The following RFX7 variants were observed in gnomAD, a reference collection of about 807,000 sequenced individuals.
RFX7 encodes the protein DNA-binding protein RFX7.
Under a neutral mutation model 111.8 loss-of-function variants are expected in RFX7, and 26 were observed. That is an observed-to-expected ratio of 0.23 (90% CI 0.17 to 0.32). RFX7 has a LOEUF of 0.32. Among genes scored for constraint, RFX7 ranks in the 10% least tolerant of loss-of-function variants. The probability of loss-of-function intolerance (pLI) is 1.00; values close to 1 mark genes in which losing one functional copy is unlikely to be tolerated. For missense variants in RFX7, 1,573 were observed against 1,772.9 expected (o/e 0.89, Z 2.02); for synonymous variants, 624 against 624.4 (o/e 1.00, Z 0.01).
chr15:56,098,107 C>G lies in RFX7; in HGVS notation c.1081G>C (p.Val361Leu). 5 of 1,613,914 alleles carry G rather than the reference C, an allele frequency of 3.1e-6. No individual in the cohort carries two copies. Among genetic ancestry groups the G allele is most frequent in the Non-Finnish European group, 4.2e-6 (5 of 1,179,832 alleles). ...ILSPQPIGIVVAAVPSPIPVQ... is the reference protein window; with the variant it reads ...ILSPQPIGIVLAAVPSPIPVQ... ...GGAATGGGACTAGGGACAGCTGCCACAACGATACCAATAGGTTGAGGAGAA... is the reference window on the plus strand; with the variant it reads ...GGAATGGGACTAGGGACAGCTGCCAGAACGATACCAATAGGTTGAGGAGAA... The change falls in exon 9 of 10, where the codon GTG becomes CTG. Residue 361 changes from valine to leucine, a missense_variant. By Grantham distance (32) the Val-to-Leu change is conservative. Transcript: ENST00000559447.
intron 3 of RFX7, among the ~76,000 whole-genome samples, chr15:56,149,801 CTT>C (rs1349462383): frequency 6.8e-6 from 1 of 146,282 alleles, no homozygotes. Flanking sequence ...GATGCAGGAG[CTT>C]TTTTTTTTTT....
chr15:56,152,209 G>C lies in RFX7; in HGVS notation c.196-7726C>G, dbSNP rs531210071. ...GGCTCTGGACCAAGTGGACCTAATA[G>C]ACATCTACAGAACTCTCCACCCCAA... On this transcript the variant is annotated intron_variant, in intron 3 of 9. Transcript: ENST00000559447. Among the ~76,000 whole-genome samples the C allele has an allele frequency of 1.6e-4, 25 of 152,264 alleles. 1 individual carries two copies. The South Asian group carries it at 4.6e-3, about 28-fold the overall frequency.
Position 56,093,596 on chromosome 15 carries a change from A to T in RFX7, c.4132T>A (p.Ser1378Thr). The T allele has an allele frequency of 1.2e-6, 2 of 1,613,794 alleles. No individual in the cohort carries two copies. Among genetic ancestry groups the T allele is most frequent in the Non-Finnish European group, 1.7e-6 (2 of 1,179,766 alleles). The change falls in exon 10 of 10, where the codon TCT becomes ACT. Residue 1378 changes from serine (S) to threonine (T), a missense_variant. Transcript: ENST00000559447. Reference sequence around the variant, plus strand: ...AACCTGATATCGCTAGAGAAATCAGATGCAGTATTAGTGAGATCAGATGCT... The same window carrying T: ...AACCTGATATCGCTAGAGAAATCAGTTGCAGTATTAGTGAGATCAGATGCT... Reference protein sequence around the residue: ...QGASDLTNTASDFSSDIRLSS... With the variant: ...QGASDLTNTATDFSSDIRLSS...
chr15:56,109,666 G>A lies in RFX7; in HGVS notation c.402-5996C>T, dbSNP rs551513313. Among the ~76,000 whole-genome samples the A allele has an allele frequency of 7.7e-3, 1,154 of 150,816 alleles. 9 individuals carry two copies. Among genetic ancestry groups the A allele is most frequent in the Non-Finnish European group, 0.01 (682 of 67,784 alleles). Reference sequence around the variant, plus strand: ...GAGCGTCTCTGTCCGGCCGCCCATCGTCTGAGATGCGGGGAGCGCCTCTGC... The same window carrying A: ...GAGCGTCTCTGTCCGGCCGCCCATCATCTGAGATGCGGGGAGCGCCTCTGC... On this transcript the variant is annotated intron_variant, in intron 5 of 9. Transcript: ENST00000559447.
intron 5 of RFX7, among the ~76,000 whole-genome samples, chr15:56,112,454 G>T (rs979042821): frequency 6.8e-6 from 1 of 147,638 alleles, no homozygotes; most frequent in Non-Finnish European, 1.5e-5. Flanking sequence ...CTAGCCATAT[G>T]CAGAAAACTG....
chr15:56,180,345 C>T (rs187998904), intron 2 of RFX7, among the ~76,000 whole-genome samples: 323 of 151,956 alleles, frequency 2.1e-3, no homozygotes, highest in African/African-American at 6.9e-3. Flanking sequence ...AAGTTCAGAA[C>T]GACTAAAAAG....
Position 56,094,816 on chromosome 15 carries a change from C to A in RFX7, c.2912G>T (p.Gly971Val). The part of the protein sequence containing the change: ...TPTPTSEMIA[G>V]SQSLSRESPC... ...GCTCTCCCGTGACAGACTCTGAGAT[C>A]CAGCAATCATTTCAGATGTCGGGGT... Residue 971 changes from glycine (G) to valine (V), a missense_variant, in exon 10 of 10, where the codon GGA becomes GTA. Coordinates refer to ENST00000559447, the MANE Select transcript of RFX7 (RefSeq NM_022841.7). 2 of 1,583,170 alleles carry A rather than the reference C, an allele frequency of 1.3e-6. No individual in the cohort carries two copies. The highest frequency in any genetic ancestry group is 2.3e-5 in the East Asian group (1 of 43,820).
At position 56,093,908 on chromosome 15, in the gene RFX7, G is replaced by A. The variant is rs767931568; in HGVS notation, c.3820C>T (p.Pro1274Ser). 3 of 1,613,912 alleles carry A rather than the reference G, an allele frequency of 1.9e-6. No homozygotes were observed. The highest frequency in any genetic ancestry group is 1.7e-6 in the Non-Finnish European group (2 of 1,179,864). The change falls in exon 10 of 10, where the codon CCC becomes TCC. Residue 1274 changes from proline to serine, a missense_variant. This residue lies in a region of RFX7 where 411 missense variants were observed against 478.1 expected (regional missense o/e 0.86). Coordinates refer to ENST00000559447, the MANE Select transcript of RFX7 (RefSeq NM_022841.7). ...AVRGLGMNNLPSNYTARMNLT... is the reference protein window; with the variant it reads ...AVRGLGMNNLSSNYTARMNLT... ...TTCATCCGGGCTGTATAATTAGAGG[G>A]CAGGTTGTTCATTCCCAAACCTCTC...
rs374109094 is a variant in RFX7 at position 56,179,422 on chromosome 15, TATTA to T, written c.162-123_162-120del. The T allele has an allele frequency of 3.1e-5, 10 of 324,420 alleles. No individual in the cohort carries two copies. In the East Asian group the frequency reaches 1.1e-3, roughly 37 times the overall value. The allele number at this position is 324,420 out of a possible 1,614,324, so 20.1% of individuals were successfully genotyped here. ...TAAGAAAAAAATAAATACAGCTTCCTATTAAGATTAGGGATTGTAGCCTAAATCT... is the reference window on the plus strand; with the variant it reads ...TAAGAAAAAAATAAATACAGCTTCCTAGATTAGGGATTGTAGCCTAAATCT... On this transcript the variant is annotated intron_variant, in intron 2 of 9. Coordinates refer to ENST00000559447, the MANE Select transcript of RFX7 (RefSeq NM_022841.7).
intron 6 of RFX7, among the ~76,000 whole-genome samples, chr15:56,103,119 G>A (rs2041779839): frequency 7.1e-6 from 1 of 141,616 alleles, no homozygotes; most frequent in African/African-American, 2.6e-5. Flanking sequence ...TTCTGTTAAA[G>A]TTCCATAAGA....
intron 3 of RFX7, among the ~76,000 whole-genome samples, chr15:56,177,452 G>C (rs192582106): frequency 1.3e-5 from 2 of 152,054 alleles, no homozygotes; most frequent in African/African-American, 4.8e-5. Context: ...AGAGATCTTA[G>C]TATCTTGTTC....
In RFX7 at chr15:56,167,514, T is replaced by C. The variant is rs558832771; in HGVS notation, c.195+11756A>G. 2.4e-4 allele frequency among the ~76,000 whole-genome samples: 36 copies of C among 152,240 alleles called. No individual in the cohort carries two copies. In the South Asian group the frequency reaches 6.8e-3, roughly 29 times the overall value. On this transcript the variant is annotated intron_variant, in intron 3 of 9. Coordinates refer to ENST00000559447, the MANE Select transcript of RFX7 (RefSeq NM_022841.7). ...TCACTAGTAAACTAATTATGAAAAA[T>C]GTAACTGGATCAGCTTTACAAGTGT...
At chr15:56,149,549 A>C (rs2042538123) in intron 3 of RFX7, among the ~76,000 whole-genome samples, 1 of 152,150 alleles carries the variant, frequency 6.6e-6, no homozygotes, top group African/African-American at 2.4e-5. Flanking sequence ...CAGCCCACGG[A>C]GGGCGAGGCG....
intron 2 of RFX7, among the ~76,000 whole-genome samples, chr15:56,229,697 T>C (rs1359602577): frequency 6.6e-6 from 1 of 152,178 alleles, no homozygotes; most frequent in Non-Finnish European, 1.5e-5. Context: ...CCCCCAAATT[T>C]AAATTTCTAA....
At chr15:56,111,086 G>A (rs1340470227) in intron 5 of RFX7, among the ~76,000 whole-genome samples, 3 of 122,934 alleles carry the variant, frequency 2.4e-5, no homozygotes, top group South Asian at 3.2e-4. Context: ...GCCTCTGCCC[G>A]GCCGCCCCTA....
chr15:56,181,825 A>AG (rs5812830), intron 2 of RFX7, among the ~76,000 whole-genome samples: 152,117 of 152,234 alleles, frequency 1, 76,000 homozygotes, highest in Middle Eastern at 1. Flanking sequence ...CTTTTAAAGC[A>AG]GGGTCCCCAA....
intron 5 of RFX7, among the ~76,000 whole-genome samples, chr15:56,131,687 TAA>T (rs1179250044): frequency 2.0e-5 from 3 of 152,218 alleles, no homozygotes; most frequent in South Asian, 2.1e-4. Context: ...AAAAAGAAAA[TAA>T]AGTCTTGTTC....
chr15:56,137,767 C>T (rs1339259240), intron 5 of RFX7, among the ~76,000 whole-genome samples: 3 of 151,948 alleles, frequency 2.0e-5, no homozygotes, highest in African/African-American at 4.8e-5. Context: ...TATAAATTTC[C>T]CTCTACACAC....
At chr15:56,099,323 T>C (rs1325813964) in intron 8 of RFX7, among the ~76,000 whole-genome samples, 1 of 152,110 alleles carries the variant, frequency 6.6e-6, no homozygotes, top group African/African-American at 2.4e-5. Context: ...GAGCAGGAAA[T>C]AGACAATGAG....
Sources: allele counts gnomAD v4.1 joint callset (sites outside exome capture counted in the v4.1 genomes callset), GRCh38; gene constraint gnomAD v4.1.1; regional missense constraint gnomAD v4.1.1; transcripts MANE v1.5; gene names NCBI Gene and HGNC (gene_info 2026-07-23, HGNC 2026-07-21).